TBC1D30: variants seen among roughly 807,000 people sequenced by gnomAD.
TBC1D30 encodes the protein TBC1 domain family member 30.
In TBC1D30, 31 loss-of-function variants were observed where a neutral mutation model predicts 63.2. That is an observed-to-expected ratio of 0.49 (90% CI 0.37 to 0.66). The LOEUF is 0.66. Among genes scored for constraint, TBC1D30 ranks in the 30% least tolerant of loss-of-function variants. The pLI, the probability that TBC1D30 is intolerant of heterozygous loss-of-function variation, is 0.00. For missense variants in TBC1D30, 810 were observed against 953.6 expected (o/e 0.85, Z 1.98); for synonymous variants, 307 against 361.5 (o/e 0.85, Z 1.71).
At chr12:64,802,896 T>C (rs1262417795) in intron 2 of TBC1D30, among the ~76,000 whole-genome samples, 2 of 152,250 alleles carry the variant, frequency 1.3e-5, no homozygotes, top group East Asian at 1.9e-4. Flanking sequence ...CAGTCTGTTA[T>C]TGATGGACAT....
chr12:64,867,048 A>T (rs1878280321), intron 10 of TBC1D30, 145 bp downstream of exon 10: 1 of 939,762 alleles, frequency 1.1e-6, no homozygotes, highest in Admixed American at 2.8e-5. Context: ...ATGGTGGGTC[A>T]TGCCTGTAAG....
At chr12:64,809,309 C>T (rs185384740) in intron 2 of TBC1D30, among the ~76,000 whole-genome samples, 445 of 151,310 alleles carry the variant, frequency 2.9e-3, no homozygotes, top group African/African-American at 0.01. Context: ...CCTTTGTGTC[C>T]TCATAGCTTA....
At chr12:64,837,251 G>A (rs1051352001) in intron 6 of TBC1D30, among the ~76,000 whole-genome samples, 39 of 152,246 alleles carry the variant, frequency 2.6e-4, no homozygotes, top group African/African-American at 9.1e-4. Flanking sequence ...CGGGAAGACA[G>A]TTTTTCCACA....
chr12:64,834,240 T>G (rs1364552338), intron 5 of TBC1D30, among the ~76,000 whole-genome samples: 3 of 152,172 alleles, frequency 2.0e-5, no homozygotes, highest in Non-Finnish European at 4.4e-5. Context: ...CATCTATTTT[T>G]TCAGCATGGC....
At position 64,876,186 on chromosome 12, in the gene TBC1D30, A is replaced by C. The variant is rs183669334; in HGVS notation, c.*398A>C. ...CTCTGGGTGTTACTAATACTCAAGCATGCACATACCAGCTTGCTAGGACAG... is the reference window on the plus strand; with the variant it reads ...CTCTGGGTGTTACTAATACTCAAGCCTGCACATACCAGCTTGCTAGGACAG... On this transcript the variant is annotated 3_prime_UTR_variant, in exon 12 of 12. Transcript: ENST00000539867. The C allele has an allele frequency of 1.7e-4, 30 of 177,728 alleles. No homozygotes were observed. Among genetic ancestry groups the C allele is most frequent in the African/African-American group, 6.9e-4 (29 of 42,128 alleles). The allele number at this position is 177,728 out of a possible 1,614,324, so 11.0% of individuals were successfully genotyped here. A position where few individuals can be genotyped will look rare whatever the true frequency, so the allele number is the denominator to read the frequency against.
intron 2 of TBC1D30, among the ~76,000 whole-genome samples, chr12:64,811,065 C>G (rs1241444080): frequency 6.6e-6 from 1 of 152,194 alleles, no homozygotes; most frequent in African/African-American, 2.4e-5. Flanking sequence ...CATTTGGAAT[C>G]AAGTTGTATA....
intron 8 of TBC1D30, among the ~76,000 whole-genome samples, chr12:64,853,411 C>G (rs1877038279): frequency 6.6e-6 from 1 of 152,208 alleles, no homozygotes; most frequent in Non-Finnish European, 1.5e-5. Context: ...GCCAGTGGAT[C>G]TTAGTTTGCT....
intron 8 of TBC1D30, among the ~76,000 whole-genome samples, chr12:64,856,507 CT>C (rs1877316876): frequency 1.3e-5 from 2 of 150,590 alleles, no homozygotes; most frequent in African/African-American, 5.0e-5. Flanking sequence ...GAGACTCATT[CT>C]TTTCCTTTAA....
chr12:64,819,246 G>T (rs1339672355), intron 2 of TBC1D30, among the ~76,000 whole-genome samples: 3 of 152,000 alleles, frequency 2.0e-5, no homozygotes, highest in Non-Finnish European at 2.9e-5. Context: ...AATAGAAAAT[G>T]TCCCATGTAG....
chr12:64,798,117 A>T (rs921621523), intron 2 of TBC1D30, among the ~76,000 whole-genome samples: 1 of 152,244 alleles, frequency 6.6e-6, no homozygotes, highest in Non-Finnish European at 1.5e-5. Context: ...AAATGTGTAC[A>T]TGTATATATG....
intron 2 of TBC1D30, among the ~76,000 whole-genome samples, chr12:64,792,174 A>T (rs1204940877): frequency 2.0e-5 from 3 of 152,248 alleles, no homozygotes; most frequent in African/African-American, 7.2e-5. Flanking sequence ...TTTTTTAAAG[A>T]ATAAGTAAAC....
At chr12:64,872,606 G>A (rs978972568) in intron 11 of TBC1D30, among the ~76,000 whole-genome samples, 1 of 152,176 alleles carries the variant, frequency 6.6e-6, no homozygotes, top group African/African-American at 2.4e-5. Flanking sequence ...GGTTTGGAAT[G>A]GAGCTGAAAT....
chr12:64,831,852 T>C (rs944882209), intron 4 of TBC1D30, among the ~76,000 whole-genome samples: 3 of 152,224 alleles, frequency 2.0e-5, no homozygotes, highest in Non-Finnish European at 2.9e-5. Flanking sequence ...TCTGAGCTAC[T>C]TTTTGTGGTA....
In TBC1D30 at chr12:64,834,728, T is replaced by TC. The variant is rs1215533889; in HGVS notation, c.595-1762_595-1761insC. ...CGGGCTTTTTTTTTTTTTTTTTTTT[T>TC]TTTGATCTAAGATTTGACCTTGGAA... On this transcript the variant is annotated intron_variant, in intron 5 of 11. Coordinates refer to ENST00000539867, the MANE Select transcript of TBC1D30 (RefSeq NM_015279.2). 2.0e-5 allele frequency among the ~76,000 whole-genome samples: 3 copies of TC among 149,178 alleles called. No individual in the cohort carries two copies. The East Asian group carries it at 5.9e-4, about 29-fold the overall frequency.
At chr12:64,824,635 A>C, upstream of TBC1D30, 1 of 387,124 alleles carries the variant, frequency 2.6e-6, no homozygotes, top group Non-Finnish European at 4.5e-6. Flanking sequence ...GCCTCGAGCG[A>C]TCTCCTGCCT....
chr12:64,856,431 C>T (rs1877309294), intron 8 of TBC1D30, among the ~76,000 whole-genome samples: 1 of 152,224 alleles, frequency 6.6e-6, no homozygotes, highest in South Asian at 2.1e-4. Context: ...TTTTTGCAGA[C>T]TTGTAGAGGT....
chr12:64,840,004 C>CAAAAAAAAAAAAAAAAAAAAAAAAAA (rs60440376), intron 7 of TBC1D30, among the ~76,000 whole-genome samples: 11 of 98,322 alleles, frequency 1.1e-4, no homozygotes, highest in African/African-American at 5.7e-4. Flanking sequence ...GACTCTGTCT[C>CAAAAAAAAAAAAAAAAAAAAAAAAAA]AAAAAAAAAA....
intron 1 of TBC1D30, among the ~76,000 whole-genome samples, chr12:64,772,814 GA>G (rs1468075925): frequency 6.6e-6 from 1 of 152,134 alleles, no homozygotes; most frequent in Non-Finnish European, 1.5e-5. Flanking sequence ...TCTAAAAAAA[GA>G]AAATCACTTT....
intron 1 of TBC1D30, among the ~76,000 whole-genome samples, chr12:64,764,479 G>C (rs1218546419): frequency 6.6e-6 from 1 of 152,152 alleles, no homozygotes; most frequent in African/African-American, 2.4e-5. Flanking sequence ...GAGTAACAGT[G>C]CCAGACTAAT....
Sources: allele counts gnomAD v4.1 joint callset (sites outside exome capture counted in the v4.1 genomes callset), GRCh38; gene constraint gnomAD v4.1.1; transcripts MANE v1.5; gene names NCBI Gene and HGNC (gene_info 2026-07-23, HGNC 2026-07-21).